Variants in HTT observed in about 807,000 individuals in gnomAD.
HTT encodes huntington disease protein.
HTT carries 104 observed loss-of-function variants against 362.3 expected under a neutral mutation model. The ratio of observed to expected loss-of-function variants is 0.29; its 90% CI spans 0.24 to 0.34. HTT has a LOEUF of 0.34. HTT is among the 10% of genes least tolerant of loss of function. HTT has a pLI of 1.00. For missense variants in HTT, 3,301 were observed against 3,928.6 expected, an observed-to-expected ratio of 0.84 and a Z score of 4.27; for synonymous variants, 1,577 against 1,548.7, an observed-to-expected ratio of 1.02 and a Z score of -0.43.
At position 3,235,405 on chromosome 4, in the gene HTT, G is replaced by A. The variant is rs2110302693; in HGVS notation, c.8571+7G>A. ...TTCAGCATCAATAATACAGGTGAGT[G>A]GGCCCTGGCTGTCTTCCTCTGCACA... On this transcript the variant is annotated splice_region_variant and intron_variant, in intron 62 of 66. Transcript: ENST00000355072. The A allele has an allele frequency of 6.3e-7, 1 of 1,578,374 alleles. No individual in the cohort carries two copies. The highest frequency in any genetic ancestry group is 8.7e-7 in the Non-Finnish European group (1 of 1,147,344).
chr4:3,158,147 C>T (rs1717250644), intron 28 of HTT, among the ~76,000 whole-genome samples: 2 of 152,274 alleles, frequency 1.3e-5, no homozygotes, highest in African/African-American at 2.4e-5. Flanking sequence ...CCACACCCAG[C>T]TAATTTTTAC....
intron 6 of HTT, among the ~76,000 whole-genome samples, chr4:3,112,533 G>A (rs1714808250): frequency 6.6e-6 from 1 of 152,040 alleles, no homozygotes; most frequent in Admixed American, 6.6e-5. Context: ...TTTTTGTCTG[G>A]TTTATTTTGG....
chr4:3,229,976 A>G lies in HTT; in HGVS notation c.8199A>G (p.Ser2733=), dbSNP rs1237842297. ...TLTELRRVHP[S]EDEILAQYLV... ...CAGAACTGCGAAGGGTGCACCCTTCAGAAGACGAGATCCTCGCTCAGTACC... is the reference window on the plus strand; with the variant it reads ...CAGAACTGCGAAGGGTGCACCCTTCGGAAGACGAGATCCTCGCTCAGTACC... The change falls in exon 60 of 67, where the codon TCA becomes TCG. Residue 2733 remains serine, a synonymous_variant. Transcript: ENST00000355072. 1 of 1,613,788 alleles carries G rather than the reference A, an allele frequency of 6.2e-7. No individual in the cohort carries two copies. Among genetic ancestry groups the G allele is most frequent in the East Asian group, 2.2e-5 (1 of 44,882 alleles).
intron 1 of HTT, among the ~76,000 whole-genome samples, chr4:3,075,394 G>T (rs1712466455): frequency 6.6e-6 from 1 of 152,246 alleles, no homozygotes; most frequent in African/African-American, 2.4e-5. Context: ...CCCTTCGCAG[G>T]ATGCGAAGAG....
chr4:3,195,449 TC>T (rs1357959571), intron 40 of HTT, among the ~76,000 whole-genome samples: 3 of 152,120 alleles, frequency 2.0e-5, no homozygotes, highest in Admixed American at 2.0e-4. Context: ...CATCGTGGTC[TC>T]CGGGCACTTG....
At chr4:3,107,586 G>A (rs1293832006) in intron 6 of HTT, among the ~76,000 whole-genome samples, 163 bp downstream of exon 6, 2 of 152,140 alleles carry the variant, frequency 1.3e-5, no homozygotes, top group Non-Finnish European at 2.9e-5. Flanking sequence ...AGGCACCTAA[G>A]GACTTCTTTC....
chr4:3,135,382 C>A (rs1167267501), intron 19 of HTT, among the ~76,000 whole-genome samples: 1 of 148,526 alleles, frequency 6.7e-6, no homozygotes, highest in Non-Finnish European at 1.5e-5. Context: ...GTAGTTTTGG[C>A]TGGAGAAGTT....
chr4:3,117,925 C>T (rs941701108), intron 8 of HTT, among the ~76,000 whole-genome samples: 1 of 152,216 alleles, frequency 6.6e-6, no homozygotes, highest in Non-Finnish European at 1.5e-5. Flanking sequence ...CCCACCAACT[C>T]ATTATCAATT....
intron 21 of HTT, among the ~76,000 whole-genome samples, chr4:3,137,414 T>A (rs1716120160): frequency 6.6e-6 from 1 of 152,100 alleles, no homozygotes. Flanking sequence ...CCCTTAAGAT[T>A]TGTGTTTTCG....
chr4:3,216,994 C>T (rs1161161744), intron 51 of HTT, among the ~76,000 whole-genome samples: 2 of 150,114 alleles, frequency 1.3e-5, no homozygotes, highest in Non-Finnish European at 3.0e-5. Context: ...CACTGCACTC[C>T]AGCCTGGGCG....
At chr4:3,118,711 G>A (rs1715151819) in intron 8 of HTT, among the ~76,000 whole-genome samples, 1 of 152,184 alleles carries the variant, frequency 6.6e-6, no homozygotes, top group South Asian at 2.1e-4. Context: ...GAAGGACAGG[G>A]ATAGAGGGTG....
intron 12 of HTT, chr4:3,129,134 C>T (rs1715672352): frequency 6.6e-6 from 1 of 152,218 alleles, no homozygotes. Flanking sequence ...GGATAGGCCA[C>T]ATTTTGCTTT....
intron 41 of HTT, among the ~76,000 whole-genome samples, chr4:3,203,415 G>A (rs886643412): frequency 1.1e-4 from 17 of 152,180 alleles, no homozygotes; most frequent in African/African-American, 4.1e-4. Flanking sequence ...TTAACTGTAT[G>A]GACTAGAGCC....
At position 3,116,410 on chromosome 4, in the gene HTT, C is replaced by CTCTAGCTGTCTTCCCTCTGTATG. The variant is rs1250738509; in HGVS notation, c.1068+150_1068+172dup. The CTCTAGCTGTCTTCCCTCTGTATG allele has an allele frequency of 1.7e-5, 11 of 635,854 alleles. No individual in the cohort carries two copies. In the African/African-American group the frequency reaches 2.0e-4, roughly 12 times the overall value. 39.4% of individuals were successfully genotyped at this position (635,854 alleles called of 1,614,324 possible). Reference sequence around the variant, plus strand: ...CTCGTTTCCAACCCTAGGTGCTGACCTCTAGCTGTCTTCCCTCTGTATGTC... The same window carrying CTCTAGCTGTCTTCCCTCTGTATG: ...CTCGTTTCCAACCCTAGGTGCTGACCTCTAGCTGTCTTCCCTCTGTATGTCTAGCTGTCTTCCCTCTGTATGTC... On this transcript the variant is annotated intron_variant, in intron 8 of 66. Transcript: ENST00000355072.
At chr4:3,138,756 C>T (rs943047835) in intron 21 of HTT, among the ~76,000 whole-genome samples, 2 of 152,128 alleles carry the variant, frequency 1.3e-5, no homozygotes, top group Non-Finnish European at 2.9e-5. Context: ...GAATTACAGG[C>T]GAGGGCCACC....
intron 6 of HTT, among the ~76,000 whole-genome samples, chr4:3,112,364 G>T (rs975911450): frequency 6.6e-6 from 1 of 152,078 alleles, no homozygotes; most frequent in Non-Finnish European, 1.5e-5. Context: ...CCTTGTAACC[G>T]CCACCCAGGT....
chr4:3,081,994 A>T (rs1197459918), intron 1 of HTT, among the ~76,000 whole-genome samples: 1 of 152,140 alleles, frequency 6.6e-6, no homozygotes, highest in African/African-American at 2.4e-5. Context: ...CAAGTCTGTC[A>T]TCTTTGTCTA....
intron 27 of HTT, among the ~76,000 whole-genome samples, chr4:3,155,266 G>C (rs142747274): frequency 0.029 from 4,412 of 151,698 alleles, 163 homozygotes; most frequent in African/African-American, 0.09. Context: ...CTGTCACCCA[G>C]GCTGGAGTGC....
At position 3,218,012 on chromosome 4, in the gene HTT, G is replaced by A; in HGVS notation, c.7242+60G>A. 1 of 1,438,654 alleles carries A rather than the reference G, an allele frequency of 7.0e-7. No homozygotes were observed. The highest frequency in any genetic ancestry group is 2.3e-5 in the East Asian group (1 of 43,234). The allele number at this position is 1,438,654 out of a possible 1,614,324, so 89.1% of individuals were successfully genotyped here. A position where few individuals can be genotyped will look rare whatever the true frequency, so the allele number is the denominator to read the frequency against. On this transcript the variant is annotated intron_variant, in intron 52 of 66. Transcript: ENST00000355072. This position sits in a 1 kb window ranked among gnomAD's most constrained non-coding sequence, Gnocchi z 4.4. ...CGGTGAAAGGCACCGGTAGGCCCTG[G>A]GCTGGGCACACGTGAGAGGGCGGGA...
Sources: allele counts gnomAD v4.1 joint callset (sites outside exome capture counted in the v4.1 genomes callset), GRCh38; gene constraint gnomAD v4.1.1; non-coding constraint Gnocchi (gnomAD v3.1); transcripts MANE v1.5; gene names NCBI Gene and HGNC (gene_info 2026-07-23, HGNC 2026-07-21).